Variants in LHFPL3 observed in about 807,000 individuals in gnomAD.
The protein encoded by LHFPL3 is LHFPL tetraspan subfamily member 3 protein.
LHFPL3 carries 5 observed loss-of-function variants against 19.3 expected under a neutral mutation model. The observed-to-expected ratio is 0.26, with a 90% CI of 0.14 to 0.54. The LOEUF is 0.54. Among genes scored for constraint, LHFPL3 ranks in the 20% least tolerant of loss-of-function variants. The pLI is 0.94. For missense variants in LHFPL3, 249 were observed against 307.4 expected (o/e 0.81, Z 1.42); for synonymous variants, 133 against 126.2 (o/e 1.05, Z -0.36).
chr7:104,363,351 A>G (rs1790426256), intron 1 of LHFPL3, among the ~76,000 whole-genome samples: 1 of 152,246 alleles, frequency 6.6e-6, no homozygotes, highest in African/African-American at 2.4e-5. Flanking sequence ...CTGTTGGTAT[A>G]TTTTAAAATT....
chr7:104,808,023 G>A (rs916890390), intron 2 of LHFPL3, among the ~76,000 whole-genome samples: 1 of 152,202 alleles, frequency 6.6e-6, no homozygotes, highest in Middle Eastern at 3.2e-3. Flanking sequence ...CTCCATCTCG[G>A]CTGAAGAGGG....
intron 1 of LHFPL3, among the ~76,000 whole-genome samples, chr7:104,430,566 T>C (rs1791983001): frequency 7.0e-6 from 1 of 142,376 alleles, no homozygotes; most frequent in Admixed American, 7.3e-5. Flanking sequence ...CCTGCCAGGT[T>C]CATGCCATTC....
At chr7:104,481,698 G>T (rs1017610498) in intron 1 of LHFPL3, among the ~76,000 whole-genome samples, 2 of 152,072 alleles carry the variant, frequency 1.3e-5, no homozygotes, top group African/African-American at 4.8e-5. Flanking sequence ...AGATGGTTCA[G>T]ATTTCAGGCT....
At chr7:104,585,222 C>T (rs1790543044) in intron 1 of LHFPL3, among the ~76,000 whole-genome samples, 1 of 152,062 alleles carries the variant, frequency 6.6e-6, no homozygotes, top group African/African-American at 2.4e-5. Flanking sequence ...TGGCGACTAC[C>T]ACAAGGACCA....
intron 1 of LHFPL3, among the ~76,000 whole-genome samples, chr7:104,639,032 T>A (rs1413311540): frequency 6.6e-6 from 1 of 152,094 alleles, no homozygotes; most frequent in East Asian, 1.9e-4. Flanking sequence ...CCCAAAGTGC[T>A]GGGATTACAG....
chr7:104,549,862 G>A (rs1019532161), intron 1 of LHFPL3, among the ~76,000 whole-genome samples: 2 of 152,114 alleles, frequency 1.3e-5, no homozygotes, highest in Non-Finnish European at 2.9e-5. Flanking sequence ...AATATGATAT[G>A]CTAGCTGTAA....
chr7:104,588,543 G>A (rs946024092), intron 1 of LHFPL3, among the ~76,000 whole-genome samples: 7 of 152,160 alleles, frequency 4.6e-5, no homozygotes, highest in Admixed American at 1.3e-4. Flanking sequence ...TTTGAAGTCA[G>A]GTAGCATGAT....
intron 2 of LHFPL3, among the ~76,000 whole-genome samples, chr7:104,792,262 G>A (rs541483526): frequency 1.4e-4 from 21 of 152,218 alleles, no homozygotes; most frequent in African/African-American, 5.1e-4. Context: ...TAGCCTCCTC[G>A]TTAGCTAGAA....
chr7:104,898,792 C>G (rs762556595), intron 2 of LHFPL3, among the ~76,000 whole-genome samples: 1 of 151,972 alleles, frequency 6.6e-6, no homozygotes, highest in African/African-American at 2.4e-5. Context: ...TACACTCCAG[C>G]TTCAGTGACA....
intron 1 of LHFPL3, among the ~76,000 whole-genome samples, chr7:104,427,159 G>A (rs1307060208): frequency 2.6e-5 from 4 of 152,130 alleles, no homozygotes; most frequent in Admixed American, 6.5e-5. Flanking sequence ...GTCAGCAGTC[G>A]GTGGAAGACG....
chr7:104,434,696 C>T (rs1432738255), intron 1 of LHFPL3, among the ~76,000 whole-genome samples: 5 of 152,138 alleles, frequency 3.3e-5, no homozygotes, highest in East Asian at 1.9e-4. Flanking sequence ...CTAAATCAGA[C>T]AGCTAGTGTG....
At chr7:104,509,479 A>T (rs1793768284) in intron 1 of LHFPL3, among the ~76,000 whole-genome samples, 1 of 152,122 alleles carries the variant, frequency 6.6e-6, no homozygotes, top group South Asian at 2.1e-4. Flanking sequence ...AAAGAAGAAA[A>T]ATCACATGAT....
chr7:104,856,118 C>G (rs1453036273), intron 2 of LHFPL3, among the ~76,000 whole-genome samples: 1 of 152,048 alleles, frequency 6.6e-6, no homozygotes, highest in African/African-American at 2.4e-5. Flanking sequence ...TCAGTAACCC[C>G]GGGAGTTTCT....
At chr7:104,521,349 A>G (rs1794057629) in intron 1 of LHFPL3, among the ~76,000 whole-genome samples, 2 of 152,128 alleles carry the variant, frequency 1.3e-5, no homozygotes, top group African/African-American at 2.4e-5. Context: ...ACATTTGCTG[A>G]GGAGTGCTTT....
At chr7:104,534,627 A>G (rs954895603) in intron 1 of LHFPL3, among the ~76,000 whole-genome samples, 1 of 152,200 alleles carries the variant, frequency 6.6e-6, no homozygotes, top group South Asian at 2.1e-4. Flanking sequence ...CACTAATTCA[A>G]TGTATTCCTT....
At chr7:104,701,505 A>G (rs919964377) in intron 1 of LHFPL3, among the ~76,000 whole-genome samples, 9 of 152,306 alleles carry the variant, frequency 5.9e-5, no homozygotes, top group Admixed American at 3.9e-4. Context: ...AAGAGAAAAT[A>G]TATTTACTAT....
intron 1 of LHFPL3, among the ~76,000 whole-genome samples, chr7:104,509,563 A>G (rs1288085993): frequency 6.6e-6 from 1 of 152,096 alleles, no homozygotes; most frequent in East Asian, 1.9e-4. Flanking sequence ...AAATCAGCAA[A>G]AAATGTTAGA....
At chr7:104,373,955 T>C (rs1166487620) in intron 1 of LHFPL3, among the ~76,000 whole-genome samples, 1 of 152,204 alleles carries the variant, frequency 6.6e-6, no homozygotes, top group Non-Finnish European at 1.5e-5. Flanking sequence ...TAAAATATTT[T>C]GATTTTCTTC....
chr7:104,547,679 G>A (rs1794599069), intron 1 of LHFPL3, among the ~76,000 whole-genome samples: 2 of 152,132 alleles, frequency 1.3e-5, no homozygotes, highest in South Asian at 4.1e-4. Flanking sequence ...CTCAGGTTTA[G>A]AAAACTTCCA....
Sources: allele counts gnomAD v4.1 joint callset (sites outside exome capture counted in the v4.1 genomes callset), GRCh38; gene constraint gnomAD v4.1.1; transcripts MANE v1.5; gene names NCBI Gene and HGNC (gene_info 2026-07-23, HGNC 2026-07-21).